UBN1: variants seen among roughly 807,000 people sequenced by gnomAD.
The protein encoded by UBN1 is ubinuclein 1, also known as ubinuclein-1.
Under a neutral mutation model 108.5 loss-of-function variants are expected in UBN1, and 17 were observed. The observed-to-expected ratio is 0.16, with a 90% confidence interval of 0.11 to 0.24. The LOEUF (loss-of-function observed/expected upper bound fraction) is 0.24, where lower values mean the gene tolerates loss of function less well. UBN1 is among the 10% of genes least tolerant of loss of function. The probability of loss-of-function intolerance (pLI) is 1.00; values close to 1 mark genes in which losing one functional copy is unlikely to be tolerated. For synonymous variants in UBN1, 726 were observed against 564.2 expected (o/e 1.29, Z -4.07); for missense variants, 1,595 against 1,394.4 (o/e 1.14, Z -2.29).
At chr16:4,859,341 G>C (rs887244560) in intron 5 of UBN1, among the ~76,000 whole-genome samples, 182 bp downstream of exon 5, 3 of 152,164 alleles carry the variant, frequency 2.0e-5, no homozygotes, top group African/African-American at 7.2e-5. Context: ...ACGTGCCCGT[G>C]GGGGCTCTGT....
intron 2 of UBN1, among the ~76,000 whole-genome samples, chr16:4,853,620 C>T (rs980378762): frequency 1.3e-5 from 2 of 150,008 alleles, no homozygotes; most frequent in Non-Finnish European, 3.0e-5. Flanking sequence ...TGCAATGGGG[C>T]GATCTCGGCT....
intron 1 of UBN1, among the ~76,000 whole-genome samples, chr16:4,849,074 A>G (rs1186733499): frequency 6.6e-6 from 1 of 152,236 alleles, no homozygotes; most frequent in African/African-American, 2.4e-5. Context: ...CACTCCAGCT[A>G]GGCGACAGAG....
chr16:4,858,175 T>A (rs1400920685), intron 3 of UBN1, 99 bp downstream of exon 3: 2 of 830,556 alleles, frequency 2.4e-6, no homozygotes, highest in Non-Finnish European at 4.0e-6. Context: ...AACACTGATC[T>A]GGAAGTAAGC....
chr16:4,858,225 C>G, intron 3 of UBN1, 149 bp downstream of exon 3: 1 of 689,254 alleles, frequency 1.5e-6, no homozygotes, highest in South Asian at 1.7e-5. Context: ...TTAAACCTAA[C>G]GCATTAAGGT....
chr16:4,864,608 C>A (rs970435471), intron 7 of UBN1, among the ~76,000 whole-genome samples: 4 of 152,148 alleles, frequency 2.6e-5, no homozygotes, highest in African/African-American at 9.7e-5. Flanking sequence ...TTGGCAGGTA[C>A]AGGTGCTGAC....
intron 1 of UBN1, among the ~76,000 whole-genome samples, chr16:4,849,490 A>G (rs966143965): frequency 6.6e-6 from 1 of 152,186 alleles, no homozygotes; most frequent in East Asian, 1.9e-4. Context: ...ATATATATAT[A>G]GTAAGAAAAA....
chr16:4,876,746 C>T (rs2087904642), intron 15 of UBN1, 125 bp from the exon 16 acceptor site: 31 of 1,453,828 alleles, frequency 2.1e-5, no homozygotes, highest in Non-Finnish European at 2.7e-5. Flanking sequence ...CCAGGGCCAT[C>T]TGACATGGAT....
intron 14 of UBN1, 30 bp downstream of exon 14, chr16:4,873,103 G>C (rs1308244669): frequency 6.2e-7 from 1 of 1,613,994 alleles, no homozygotes; most frequent in Non-Finnish European, 8.5e-7. Flanking sequence ...TCACATGTCA[G>C]CTATGCCCAT....
chr16:4,876,588 C>T (rs1416323833), intron 15 of UBN1, among the ~76,000 whole-genome samples: 4 of 151,314 alleles, frequency 2.6e-5, no homozygotes, highest in East Asian at 1.9e-4. Flanking sequence ...ACTGCAGTAG[C>T]GCGATCACAG....
chr16:4,861,216 G>T (rs769952728), intron 7 of UBN1, 114 bp downstream of exon 7: 28 of 1,228,624 alleles, frequency 2.3e-5, no homozygotes, highest in Non-Finnish European at 3.1e-5. Flanking sequence ...GGCAGTTAAG[G>T]TGTCAGCTTT....
chr16:4,872,965 A>C, intron 13 of UBN1, 31 bp downstream of exon 13: 1 of 1,614,196 alleles, frequency 6.2e-7, no homozygotes, highest in Non-Finnish European at 8.5e-7. Context: ...ACATCTCGGG[A>C]CAAGTGTTGT....
chr16:4,870,205 T>C lies in UBN1; in HGVS notation c.1182-7T>C, dbSNP rs1567936036. ...GCAGCCGGTGGTGACTGTGTTTTGT[T>C]CTTCAGCATAGAGGCGCAGACTCGG... On this transcript the variant is annotated splice_region_variant and splice_polypyrimidine_tract_variant and intron_variant, in intron 8 of 17. Coordinates refer to ENST00000262376, the MANE Select transcript of UBN1 (RefSeq NM_001079514.3). 1 of 1,614,150 alleles carries C rather than the reference T, an allele frequency of 6.2e-7. No homozygotes were observed. Among genetic ancestry groups the C allele is most frequent in the Non-Finnish European group, 8.5e-7 (1 of 1,179,996 alleles).
intron 9 of UBN1, 74 bp downstream of exon 9, chr16:4,870,415 G>A (rs2087569086): frequency 1.9e-6 from 3 of 1,609,018 alleles, no homozygotes; most frequent in Non-Finnish European, 2.5e-6. Context: ...AAGCAATGAT[G>A]CGTCTGCTGC....
chr16:4,853,028 C>G lies in UBN1; in HGVS notation c.111C>G (p.Asp37Glu). The G allele has an allele frequency of 1.9e-6, 3 of 1,614,230 alleles. No homozygotes were observed. The highest frequency in any genetic ancestry group is 2.5e-6 in the Non-Finnish European group (3 of 1,180,042). Residue 37 changes from aspartate to glutamate, a missense_variant, in exon 2 of 18, where the codon GAC becomes GAG. Physicochemically the swap from Asp to Glu is conservative, Grantham distance 45. Around this residue, in one of 3 missense-constraint regions of UBN1, gnomAD observed 181 missense variants for 157.3 expected, o/e 1.15. Coordinates refer to ENST00000262376, the MANE Select transcript of UBN1 (RefSeq NM_001079514.3). ...EEAGAGEQHQ[D>E]CEPAAAAVRI... ...CTGGGGCAGGAGAACAGCATCAGGA[C>G]TGTGAGCCGGCTGCAGCAGCTGTTC...
intron 1 of UBN1, among the ~76,000 whole-genome samples, chr16:4,849,963 A>G: frequency 6.7e-6 from 1 of 148,206 alleles, no homozygotes; most frequent in African/African-American, 2.6e-5. Flanking sequence ...AAAAAAAAAA[A>G]AAACCACAAA....
chr16:4,872,438 A>T, intron 12 of UBN1: 1 of 371,264 alleles, frequency 2.7e-6, no homozygotes, highest in Non-Finnish European at 3.3e-6. Context: ...CAATCCATTG[A>T]CCTTTTTTTT....
At chr16:4,863,787 A>C (rs993789963) in intron 7 of UBN1, among the ~76,000 whole-genome samples, 1 of 152,196 alleles carries the variant, frequency 6.6e-6, no homozygotes, top group African/African-American at 2.4e-5. Flanking sequence ...TCAGCTGGCA[A>C]GTTGGCCAGG....
intron 7 of UBN1, among the ~76,000 whole-genome samples, chr16:4,865,635 A>T (rs979149854): frequency 2.0e-5 from 3 of 152,074 alleles, no homozygotes; most frequent in African/African-American, 7.2e-5. Flanking sequence ...ACGTCACTGC[A>T]CTCCAGAATG....
At chr16:4,871,687 C>T (rs1334854859) in intron 12 of UBN1, among the ~76,000 whole-genome samples, 14 of 148,492 alleles carry the variant, frequency 9.4e-5, no homozygotes, top group South Asian at 2.2e-4. Flanking sequence ...CCCAGGTTCA[C>T]GCCGTTCTCC....
Sources: allele counts gnomAD v4.1 joint callset (sites outside exome capture counted in the v4.1 genomes callset), GRCh38; gene constraint gnomAD v4.1.1; regional missense constraint gnomAD v4.1.1; transcripts MANE v1.5; gene names NCBI Gene and HGNC (gene_info 2026-07-23, HGNC 2026-07-21).